PTCHD4: variants seen among roughly 807,000 people sequenced by gnomAD.
The protein encoded by PTCHD4 is patched domain containing 4, also known as patched domain-containing protein 4.
A neutral mutation model predicts 58.1 loss-of-function variants in PTCHD4; 33 were observed. The observed-to-expected ratio is 0.57, with a 90% CI of 0.43 to 0.76. PTCHD4 has a LOEUF of 0.76. Ranked by LOEUF, PTCHD4 falls within the 30% of genes least tolerant of loss-of-function variation. PTCHD4 has a pLI of 0.00. For missense variants in PTCHD4, 1,058 were observed against 1,027.1 expected, an observed-to-expected ratio of 1.03 and a Z score of -0.41; for synonymous variants, 478 against 409.6, an observed-to-expected ratio of 1.17 and a Z score of -2.02.
At chr6:47,994,665 G>T (rs1419020390) in intron 4 of PTCHD4, among the ~76,000 whole-genome samples, 1 of 152,334 alleles carries the variant, frequency 6.6e-6, no homozygotes, top group Non-Finnish European at 1.5e-5. Context: ...TGTGTATTTG[G>T]ATAGATATCA....
intron 4 of PTCHD4, among the ~76,000 whole-genome samples, chr6:47,993,165 T>C (rs1299539981): frequency 2.0e-5 from 3 of 152,116 alleles, no homozygotes; most frequent in Non-Finnish European, 2.9e-5. Flanking sequence ...TTAAACTAAG[T>C]AAATGAAAAA....
chr6:48,001,556 A>G (rs959515630), intron 4 of PTCHD4, among the ~76,000 whole-genome samples: 1 of 152,232 alleles, frequency 6.6e-6, no homozygotes, highest in African/African-American at 2.4e-5. Flanking sequence ...GGATAGCCAT[A>G]TGTGGAAAGC....
intron 4 of PTCHD4, among the ~76,000 whole-genome samples, chr6:47,964,810 T>C (rs753527182): frequency 3.3e-5 from 5 of 152,184 alleles, no homozygotes; most frequent in Non-Finnish European, 5.9e-5. Context: ...TGTAATTACT[T>C]TGCAATAATT....
chr6:48,107,688 T>C (rs1012393630), intron 1 of PTCHD4, among the ~76,000 whole-genome samples: 6 of 152,082 alleles, frequency 3.9e-5, no homozygotes, highest in Non-Finnish European at 4.4e-5. Flanking sequence ...AGAAAATTTT[T>C]GCAACCTACT....
chr6:48,041,045 A>G (rs1763828984), intron 3 of PTCHD4, among the ~76,000 whole-genome samples: 1 of 152,118 alleles, frequency 6.6e-6, no homozygotes, highest in African/African-American at 2.4e-5. Flanking sequence ...TGTTTTAACT[A>G]AAATCCAAAT....
At chr6:47,934,356 G>C (rs59306382) in intron 4 of PTCHD4, among the ~76,000 whole-genome samples, 1 of 151,906 alleles carries the variant, frequency 6.6e-6, no homozygotes, top group Non-Finnish European at 1.5e-5. Context: ...CTGAATTTTC[G>C]TGGCCATGGA....
intron 3 of PTCHD4, among the ~76,000 whole-genome samples, chr6:48,030,210 CAA>C (rs1763387036): frequency 6.6e-6 from 1 of 152,032 alleles, no homozygotes; most frequent in Admixed American, 6.6e-5. Flanking sequence ...TTTAATGAGA[CAA>C]GACATATTTT....
Position 47,865,613 on chromosome 6 carries a change from G to T in PTCHD4, c.*12690C>A, listed in dbSNP as rs530536392. 1.3e-5 allele frequency among the ~76,000 whole-genome samples: 2 copies of T among 151,874 alleles called. No homozygotes were observed. Among genetic ancestry groups the T allele is most frequent in the African/African-American group, 2.4e-5 (1 of 41,484 alleles). ...CTTACAGATATAAGTTTTGTGAATT[G>T]TATTTATTTCTTCCTTTTTATATTC... On this transcript the variant is annotated 3_prime_UTR_variant, in exon 5 of 5. Transcript: ENST00000339488.
At chr6:48,020,608 A>C (rs1178590485) in intron 3 of PTCHD4, among the ~76,000 whole-genome samples, 1 of 152,138 alleles carries the variant, frequency 6.6e-6, no homozygotes, top group Non-Finnish European at 1.5e-5. Context: ...AACCAAGATA[A>C]AGACAAATAA....
At chr6:48,072,921 A>T (rs1418687239) in intron 1 of PTCHD4, among the ~76,000 whole-genome samples, 1 of 152,102 alleles carries the variant, frequency 6.6e-6, no homozygotes, top group Non-Finnish European at 1.5e-5. Context: ...AATAATTTAA[A>T]ATAAGGAAGA....
intron 3 of PTCHD4, among the ~76,000 whole-genome samples, chr6:48,017,819 T>G (rs1449851479): frequency 1.3e-5 from 2 of 152,166 alleles, no homozygotes; most frequent in African/African-American, 4.8e-5. Flanking sequence ...TTTGAATAAT[T>G]TTTATATGTA....
chr6:48,090,263 T>C (rs1303871247), intron 1 of PTCHD4, among the ~76,000 whole-genome samples: 1 of 152,220 alleles, frequency 6.6e-6, no homozygotes, highest in African/African-American at 2.4e-5. Flanking sequence ...ATCTACTATA[T>C]ATTGTGTCAA....
At chr6:48,007,101 G>T (rs886551479) in intron 4 of PTCHD4, among the ~76,000 whole-genome samples, 1 of 152,080 alleles carries the variant, frequency 6.6e-6, no homozygotes, top group African/African-American at 2.4e-5. Flanking sequence ...TTAGCCAGGA[G>T]TGGTAGCCAG....
intron 4 of PTCHD4, among the ~76,000 whole-genome samples, chr6:47,997,374 G>A (rs1384815365): frequency 6.6e-6 from 1 of 151,592 alleles, no homozygotes; most frequent in Non-Finnish European, 1.5e-5. Context: ...TATTATTTAT[G>A]CCTTTTATTA....
chr6:48,097,411 C>T (rs1415125060), intron 1 of PTCHD4, among the ~76,000 whole-genome samples: 1 of 152,080 alleles, frequency 6.6e-6, no homozygotes, highest in African/African-American at 2.4e-5. Context: ...GAAATTGAAA[C>T]TCAAGAAGTG....
rs773337360 is a variant in PTCHD4 at position 47,866,169 on chromosome 6, G to C, written c.*12134C>G. ...TATTCTAGTTATAGATGTCACAGAC[G>C]CTTTTGTCTTGTGACTTTTTAAAAC... On this transcript the variant is annotated 3_prime_UTR_variant, in exon 5 of 5. Transcript: ENST00000339488. 6.6e-6 allele frequency among the ~76,000 whole-genome samples: 1 copy of C among 151,838 alleles called. No individual in the cohort carries two copies. Among genetic ancestry groups the C allele is most frequent in the African/African-American group, 2.4e-5 (1 of 41,364 alleles).
intron 4 of PTCHD4, among the ~76,000 whole-genome samples, chr6:47,937,915 G>A (rs189326523): frequency 2.2e-4 from 34 of 152,270 alleles, no homozygotes; most frequent in African/African-American, 6.3e-4. Context: ...CACTTTGGGA[G>A]GTTGAGGCAG....
At chr6:47,981,761 G>A (rs370953521) in intron 4 of PTCHD4, among the ~76,000 whole-genome samples, 118 of 152,172 alleles carry the variant, frequency 7.8e-4, no homozygotes, top group Middle Eastern at 6.8e-3. Context: ...ACTCTATTCT[G>A]TGCATCTTCT....
chr6:48,067,058 T>A (rs554117798), intron 3 of PTCHD4, among the ~76,000 whole-genome samples: 28 of 152,248 alleles, frequency 1.8e-4, no homozygotes, highest in East Asian at 3.9e-4. Flanking sequence ...ATTAAAAAAA[T>A]TTTTTTCTTC....
Sources: gnomAD v4.1 joint callset for allele counts (sites outside exome capture counted in the v4.1 genomes callset) on GRCh38, gnomAD v4.1.1 for gene constraint, MANE v1.5 for transcripts, NCBI Gene and HGNC (gene_info 2026-07-23, HGNC 2026-07-21) for gene names.